Variants in ZC3H12C observed in about 807,000 individuals in gnomAD.
ZC3H12C encodes zinc finger CCCH-type containing 12C.
ZC3H12C carries 20 observed loss-of-function variants against 76.3 expected under a neutral mutation model. The ratio of observed to expected loss-of-function variants is 0.26; its 90% CI spans 0.18 to 0.38. ZC3H12C has a LOEUF of 0.38. Among genes scored for constraint, ZC3H12C ranks in the 10% least tolerant of loss-of-function variants. The probability of loss-of-function intolerance (pLI) is 1.00; values close to 1 mark genes in which losing one functional copy is unlikely to be tolerated. For synonymous variants in ZC3H12C, 352 were observed against 399.6 expected (o/e 0.88, Z 1.42); for missense variants, 874 against 1,086.5 (o/e 0.80, Z 2.75).
chr11:110,119,125 CAT>C (rs1003859589), intron 1 of ZC3H12C, among the ~76,000 whole-genome samples: 17 of 152,286 alleles, frequency 1.1e-4, no homozygotes, highest in African/African-American at 3.6e-4. Context: ...CAGTTATTAA[CAT>C]GTGCTGCAGG....
chr11:110,143,834 C>A (rs1206413780), intron 2 of ZC3H12C, among the ~76,000 whole-genome samples: 7 of 152,088 alleles, frequency 4.6e-5, no homozygotes, highest in Admixed American at 4.6e-4. Flanking sequence ...AAAAAGATAC[C>A]TTTATATTTC....
chr11:110,140,730 G>A (rs1004857086), intron 2 of ZC3H12C, among the ~76,000 whole-genome samples: 5 of 152,158 alleles, frequency 3.3e-5, no homozygotes, highest in African/African-American at 1.2e-4. Flanking sequence ...ATGTTCGTGT[G>A]GAGTATTAAG....
At position 110,152,121 on chromosome 11, in the gene ZC3H12C, T is replaced by C. The variant is rs140162166; in HGVS notation, c.774-798T>C. Among the ~76,000 whole-genome samples the C allele has an allele frequency of 3.0e-4, 46 of 152,280 alleles. 1 individual carries two copies. The South Asian group carries it at 4.8e-3, about 16-fold the overall frequency. ...TGGGAGACTTTTTCTTCAAAAACAT[T>C]GGGATGGGTATCATTTTTGAATTAT... On this transcript the variant is annotated intron_variant, in intron 2 of 5. Transcript: ENST00000278590.
chr11:110,102,879 C>T (rs761652653), intron 1 of ZC3H12C, among the ~76,000 whole-genome samples: 1 of 152,128 alleles, frequency 6.6e-6, no homozygotes, highest in African/African-American at 2.4e-5. Flanking sequence ...ACTGAAGGCT[C>T]AGATAATCAT....
chr11:110,164,825 A>T lies in ZC3H12C; in HGVS notation c.1740A>T (p.Lys580Asn). Residue 580 changes from lysine to asparagine, a missense_variant, in exon 6 of 6, where the codon AAA becomes AAT. Lys to Asn is a moderately conservative substitution (Grantham distance 94). Around this residue, in one of 3 missense-constraint regions of ZC3H12C, gnomAD observed 395 missense variants for 434.4 expected, o/e 0.91. Transcript: ENST00000278590. The surrounding 1 kb of genome is among the most constrained non-coding windows in gnomAD (Gnocchi z 5.7). The stretch of plus-strand genomic sequence containing the variant: ...CAATGCCTTATGAACAGTATCCAAA[A>T]TGTGACTCACCTGTCGACATCGGAT... ...GTPMPYEQYP[K>N]CDSPVDIGYY... 6.2e-7 allele frequency: 1 copy of T among 1,614,012 alleles called. No homozygotes were observed. The highest frequency in any genetic ancestry group is 1.1e-5 in the South Asian group (1 of 91,082).
rs560967637 is a variant in ZC3H12C, at chr11:110,141,128, G to T, written c.773+3714G>T. The stretch of plus-strand genomic sequence containing the variant: ...CAAAGAGTCATATTGGAAAACAGCT[G>T]GTGTTAGTACACATCTGATTGTAAC... On this transcript the variant is annotated intron_variant, in intron 2 of 5. Coordinates refer to ENST00000278590, the MANE Select transcript of ZC3H12C (RefSeq NM_033390.2). Among the ~76,000 whole-genome samples the T allele has an allele frequency of 2.6e-5, 4 of 152,166 alleles. No homozygotes were observed. In the South Asian group the frequency reaches 8.3e-4, roughly 32 times the overall value.
chr11:110,119,464 C>G (rs1407144572), intron 1 of ZC3H12C, among the ~76,000 whole-genome samples: 1 of 152,186 alleles, frequency 6.6e-6, no homozygotes, highest in Non-Finnish European at 1.5e-5. Context: ...GCATTGTCTT[C>G]TAATGCACTA....
At chr11:110,112,877 T>C (rs188637061) in intron 1 of ZC3H12C, among the ~76,000 whole-genome samples, 234 of 152,286 alleles carry the variant, frequency 1.5e-3, no homozygotes, top group African/African-American at 5.1e-3. Flanking sequence ...CTGTAAGTTA[T>C]TCTTTCTGTT....
Position 110,136,719 on chromosome 11 carries a change from T to C in ZC3H12C, c.78T>C (p.Ser26=). 1 of 1,613,982 alleles carries C rather than the reference T, an allele frequency of 6.2e-7. No homozygotes were observed. ...EYRKNSKVES[S]TRNNFMGLKD... ...GAAAAAACAGCAAAGTGGAGTCAAGTACACGTAACAACTTCATGGGCTTGA... is the reference window on the plus strand; with the variant it reads ...GAAAAAACAGCAAAGTGGAGTCAAGCACACGTAACAACTTCATGGGCTTGA... The change falls in exon 2 of 6, where the codon AGT becomes AGC. Residue 26 remains serine (S), a synonymous_variant. Coordinates refer to ENST00000278590, the MANE Select transcript of ZC3H12C (RefSeq NM_033390.2).
chr11:110,138,194 T>C (rs1862005342), intron 2 of ZC3H12C, among the ~76,000 whole-genome samples: 1 of 151,784 alleles, frequency 6.6e-6, no homozygotes, highest in South Asian at 2.1e-4. Context: ...AATCAGCTTA[T>C]GGGTAACTGC....
Position 110,165,679 on chromosome 11 carries a change from CAG to C in ZC3H12C, c.2596_2597del (p.Asp866ArgfsTer55), listed in dbSNP as rs1862570931. The C allele has an allele frequency of 6.3e-7, 1 of 1,597,328 alleles. No homozygotes were observed. Among genetic ancestry groups the C allele is most frequent in the Non-Finnish European group, 8.5e-7 (1 of 1,171,476 alleles). ...GTCATGAAAAGGAATCCTCACATGA[CAG>C]ACGCCCAGCAGCTCGCCGCAGCCAT... On this transcript the variant is annotated frameshift_variant, in exon 6 of 6. Coordinates refer to ENST00000278590, the MANE Select transcript of ZC3H12C (RefSeq NM_033390.2). LOFTEE classifies it high-confidence loss of function.
chr11:110,165,014 C>T lies in ZC3H12C; in HGVS notation c.1929C>T (p.Tyr643=), dbSNP rs1270884730. 6 of 1,614,004 alleles carry T rather than the reference C, an allele frequency of 3.7e-6. No homozygotes were observed. The highest frequency in any genetic ancestry group is 2.2e-5 in the East Asian group (1 of 44,882). Reference sequence around the variant, plus strand: ...GGAGCAGTGACTCCTACGTGGGTTACAATGACCGGTCCTATGTCAGCTCCC... The same window carrying T: ...GGAGCAGTGACTCCTACGTGGGTTATAATGACCGGTCCTATGTCAGCTCCC... ...SCGSSDSYVG[Y]NDRSYVSSPD... The change falls in exon 6 of 6, where the codon TAC becomes TAT. Residue 643 remains tyrosine, a synonymous_variant. Coordinates refer to ENST00000278590, the MANE Select transcript of ZC3H12C (RefSeq NM_033390.2).
intron 3 of ZC3H12C, 43 bp from the exon 4 acceptor site, chr11:110,159,213 T>C (rs1358884925): frequency 6.8e-7 from 1 of 1,477,848 alleles, no homozygotes; most frequent in East Asian, 2.4e-5. Flanking sequence ...GTGTGTTATC[T>C]ATGTATTTAC....
At chr11:110,158,464 C>CT (rs1288270180) in intron 3 of ZC3H12C, among the ~76,000 whole-genome samples, 1 of 151,812 alleles carries the variant, frequency 6.6e-6, no homozygotes, top group Non-Finnish European at 1.5e-5. Context: ...GAGCCAAGAT[C>CT]ACACCACTGC....
In ZC3H12C at chr11:110,146,982, A is replaced by T. The variant is rs116056695; in HGVS notation, c.774-5937A>T. Among the ~76,000 whole-genome samples, 639 of 152,268 alleles carry T rather than the reference A, an allele frequency of 4.2e-3. 6 individuals are homozygous for T. The highest frequency in any genetic ancestry group is 0.015 in the African/African-American group (612 of 41,560). ...CAATGGAGACTCACCCAACAGCAGC[A>T]TTGCAGCTTCTCCCAGGTCACCTCG... is the stretch of plus-strand genomic sequence containing the variant. On this transcript the variant is annotated intron_variant, in intron 2 of 5. Transcript: ENST00000278590.
intron 3 of ZC3H12C, 30 bp downstream of exon 3, chr11:110,153,088 C>G: frequency 6.3e-7 from 1 of 1,599,154 alleles, no homozygotes; most frequent in Non-Finnish European, 8.5e-7. Context: ...CTGCTTGTAC[C>G]TAGCTTTCCT....
intron 1 of ZC3H12C, among the ~76,000 whole-genome samples, chr11:110,117,939 TA>T (rs1861575578): frequency 8.0e-6 from 1 of 124,572 alleles, no homozygotes; most frequent in Admixed American, 8.9e-5. Flanking sequence ...CACACATATA[TA>T]TATTATATAT....
Position 110,165,826 on chromosome 11 carries a change from T to C in ZC3H12C, c.*89T>C, listed in dbSNP as rs1052494991. 3.2e-6 allele frequency: 4 copies of C among 1,251,864 alleles called. No homozygotes were observed. Among genetic ancestry groups the C allele is most frequent in the Non-Finnish European group, 4.4e-6 (4 of 914,856 alleles). 77.5% of individuals were successfully genotyped at this position (1,251,864 alleles called of 1,614,324 possible). A position where few individuals can be genotyped will look rare whatever the true frequency, so the allele number is the denominator to read the frequency against. ...GCTACAATAGCACATGTGATCTCCT[T>C]CTCAGCAAGGAGGTTATATAGTATC... On this transcript the variant is annotated 3_prime_UTR_variant, in exon 6 of 6. Coordinates refer to ENST00000278590, the MANE Select transcript of ZC3H12C (RefSeq NM_033390.2).
chr11:110,164,985 T>G lies in ZC3H12C; in HGVS notation c.1900T>G (p.Cys634Gly), dbSNP rs1862550225. 1.2e-6 allele frequency: 2 copies of G among 1,613,942 alleles called. No homozygotes were observed. The highest frequency in any genetic ancestry group is 2.7e-5 in the African/African-American group (2 of 74,942). ...SDCSSEGSMS[C>G]GSSDSYVGYN... is the part of the protein sequence containing the mutation. ...CTGCAGCAGTGAAGGGAGCATGAGC[T>G]GTGGGAGCAGTGACTCCTACGTGGG... The change falls in exon 6 of 6, where the codon TGT becomes GGT. Residue 634 changes from cysteine to glycine, a missense_variant. Cys to Gly is a radical substitution (Grantham distance 159, BLOSUM62 -3). Around this residue, in one of 3 missense-constraint regions of ZC3H12C, gnomAD observed 395 missense variants for 434.4 expected, o/e 0.91. Coordinates refer to ENST00000278590, the MANE Select transcript of ZC3H12C (RefSeq NM_033390.2). The surrounding 1 kb of genome is among the most constrained non-coding windows in gnomAD (Gnocchi z 5.7).
Sources: gnomAD v4.1 joint callset for allele counts (sites outside exome capture counted in the v4.1 genomes callset) on GRCh38, gnomAD v4.1.1 for gene constraint, gnomAD v4.1.1 regional missense constraint, Gnocchi (gnomAD v3.1) non-coding constraint, MANE v1.5 for transcripts, NCBI Gene and HGNC (gene_info 2026-07-23, HGNC 2026-07-21) for gene names.